Variants in HORMAD2 observed in about 807,000 individuals in gnomAD.
HORMAD2 encodes the protein HORMA domain-containing protein 2.
HORMAD2 carries 45 observed loss-of-function variants against 38.8 expected under a neutral mutation model. The ratio of observed to expected loss-of-function variants is 1.16; its 90% CI spans 0.91 to 1.49. The LOEUF (loss-of-function observed/expected upper bound fraction) is 1.49, where lower values mean the gene tolerates loss of function less well. Among genes scored for constraint, HORMAD2 ranks in the 40% most tolerant of loss-of-function variants. The pLI is 0.00. For missense variants in HORMAD2, 338 were observed against 367.0 expected, an observed-to-expected ratio of 0.92 and a Z score of 0.65; for synonymous variants, 126 against 122.8, an observed-to-expected ratio of 1.03 and a Z score of -0.17.
At chr22:30,152,933 G>A (rs1158954019) in intron 10 of HORMAD2, among the ~76,000 whole-genome samples, 1 of 152,016 alleles carries the variant, frequency 6.6e-6, no homozygotes, top group African/African-American at 2.4e-5. Context: ...TCATCCCCAA[G>A]AGCTCCAGTT....
At chr22:30,098,652 A>G (rs954664247) in intron 2 of HORMAD2, among the ~76,000 whole-genome samples, 200 bp from the exon 3 acceptor site, 4 of 152,162 alleles carry the variant, frequency 2.6e-5, no homozygotes, top group African/African-American at 4.8e-5. Flanking sequence ...TACTTGGGTA[A>G]TTGTTTCTGC....
intron 7 of HORMAD2, among the ~76,000 whole-genome samples, chr22:30,114,369 A>G (rs978787348): frequency 4.6e-5 from 7 of 152,248 alleles, no homozygotes; most frequent in African/African-American, 1.7e-4. Context: ...CAAATCAGTA[A>G]TAATTACAAT....
At chr22:30,087,648 A>T (rs2068593024) in intron 1 of HORMAD2, among the ~76,000 whole-genome samples, 1 of 152,080 alleles carries the variant, frequency 6.6e-6, no homozygotes, top group Admixed American at 6.6e-5. Context: ...GCCTCAGGAA[A>T]CTTACAATTA....
intron 8 of HORMAD2, among the ~76,000 whole-genome samples, chr22:30,119,943 G>A (rs1036996710): frequency 2.6e-5 from 4 of 152,148 alleles, no homozygotes; most frequent in African/African-American, 7.2e-5. Context: ...TTCCAAAAAT[G>A]AGAATTAAAA....
intron 2 of HORMAD2, 105 bp from the exon 3 acceptor site, chr22:30,098,747 A>G: frequency 4.2e-6 from 4 of 947,238 alleles, no homozygotes; most frequent in Non-Finnish European, 4.5e-6. Context: ...AAAGATATCA[A>G]ATTTGAAGTC....
chr22:30,092,278 C>T (rs1311692365), intron 1 of HORMAD2, among the ~76,000 whole-genome samples: 1 of 149,808 alleles, frequency 6.7e-6, no homozygotes, highest in Non-Finnish European at 1.5e-5. Context: ...TCATGTTGAG[C>T]ATTTTTTCAT....
At chr22:30,117,423 TTTTA>T (rs1423994126) in intron 7 of HORMAD2, among the ~76,000 whole-genome samples, 1 of 151,848 alleles carries the variant, frequency 6.6e-6, no homozygotes, top group African/African-American at 2.4e-5. Context: ...TAGATGTTTA[TTTTA>T]TTTATTTATT....
rs373673977 is a variant in HORMAD2 at position 30,122,230 on chromosome 22, A to G, written c.819+16A>G. On this transcript the variant is annotated intron_variant, in intron 10 of 10. Transcript: ENST00000336726. ...CAATGACCATGTAAGGCAAAGCTTT[A>G]GAGATTTTCTATCGTGTCAGTTAAA... 50 of 1,595,278 alleles carry G rather than the reference A, an allele frequency of 3.1e-5. No homozygotes were observed. In the African/African-American group the frequency reaches 6.3e-4, roughly 20 times the overall value.
chr22:30,201,782 C>G, the HORMAD2 span, among the ~76,000 whole-genome samples: 1 of 151,914 alleles, frequency 6.6e-6, no homozygotes, highest in African/African-American at 2.4e-5. Context: ...TTGTCTCTGA[C>G]GAGGCTACAT....
chr22:30,190,446 A>T, the HORMAD2 span, among the ~76,000 whole-genome samples: 2 of 152,188 alleles, frequency 1.3e-5, no homozygotes, highest in Non-Finnish European at 2.9e-5. Context: ...TATCCCTAGC[A>T]CGGTTATCTC....
the HORMAD2 span, among the ~76,000 whole-genome samples, chr22:30,198,752 T>C: frequency 2.2e-4 from 33 of 152,244 alleles, no homozygotes; most frequent in African/African-American, 7.5e-4. Context: ...GACTATACCA[T>C]GGCAAAAAAG....
chr22:30,083,456 T>A (rs752859255), intron 1 of HORMAD2, among the ~76,000 whole-genome samples: 1 of 152,144 alleles, frequency 6.6e-6, no homozygotes, highest in Non-Finnish European at 1.5e-5. Context: ...ATAGAAAAAA[T>A]CAGACCTATT....
chr22:30,093,855 G>A (rs2068734634), intron 1 of HORMAD2, 61 bp from the exon 2 acceptor site: 1 of 790,126 alleles, frequency 1.3e-6, no homozygotes, highest in East Asian at 2.8e-5. Context: ...TTTTTGGGCA[G>A]AGTAAGAGAG....
chr22:30,159,530 T>C (rs1182772971), intron 10 of HORMAD2, among the ~76,000 whole-genome samples: 1 of 152,206 alleles, frequency 6.6e-6, no homozygotes, highest in Non-Finnish European at 1.5e-5. Context: ...ATACCCTGTA[T>C]TTCAGGTAAA....
the HORMAD2 span, among the ~76,000 whole-genome samples, chr22:30,193,875 G>A: frequency 2.0e-5 from 3 of 152,160 alleles, no homozygotes; most frequent in African/African-American, 7.2e-5. Flanking sequence ...CCCTTAAGAG[G>A]TGGGTGAACC....
intron 10 of HORMAD2, among the ~76,000 whole-genome samples, chr22:30,150,433 TAG>T: frequency 6.6e-6 from 1 of 152,322 alleles, no homozygotes; most frequent in East Asian, 1.9e-4. Context: ...TATCTCTATA[TAG>T]AGTCTTTCTC....
chr22:30,144,197 G>A (rs1380055833), intron 10 of HORMAD2, among the ~76,000 whole-genome samples: 1 of 152,160 alleles, frequency 6.6e-6, no homozygotes, highest in Non-Finnish European at 1.5e-5. Context: ...ATTTTCATCA[G>A]TGTCCCAGGC....
At chr22:30,148,726 C>T (rs2146195202) in intron 10 of HORMAD2, among the ~76,000 whole-genome samples, 1 of 152,172 alleles carries the variant, frequency 6.6e-6, no homozygotes, top group South Asian at 2.1e-4. Flanking sequence ...AGACAGGCGC[C>T]AGGCACGGTG....
chr22:30,158,469 C>CT (rs368679247), intron 10 of HORMAD2, among the ~76,000 whole-genome samples: 1 of 151,650 alleles, frequency 6.6e-6, no homozygotes, highest in South Asian at 2.1e-4. Flanking sequence ...TCCTTTCTTT[C>CT]TTTCTTTTCT....
Sources: allele counts gnomAD v4.1 joint callset (sites outside exome capture counted in the v4.1 genomes callset), GRCh38; gene constraint gnomAD v4.1.1; transcripts MANE v1.5; gene names NCBI Gene and HGNC (gene_info 2026-07-23, HGNC 2026-07-21).